SLC8A1: variants seen among roughly 807,000 people sequenced by gnomAD.
The protein encoded by SLC8A1 is sodium/calcium exchanger 1.
In SLC8A1, 18 loss-of-function variants were observed where a neutral mutation model predicts 68.3. The observed-to-expected ratio is 0.26, with a 90% CI of 0.18 to 0.39. SLC8A1 has a LOEUF of 0.39. Among genes scored for constraint, SLC8A1 ranks in the 10% least tolerant of loss-of-function variants. The pLI is 1.00. For missense variants in SLC8A1, 985 were observed against 1,156.7 expected (o/e 0.85, Z 2.15); for synonymous variants, 475 against 415.5 (o/e 1.14, Z -1.74).
At chr2:40,212,146 A>G (rs958499091) in intron 2 of SLC8A1, among the ~76,000 whole-genome samples, 3 of 152,188 alleles carry the variant, frequency 2.0e-5, no homozygotes, top group Non-Finnish European at 2.9e-5. Context: ...AAGGATTTCA[A>G]TATGGCCCAG....
chr2:40,097,639 A>G (rs567585249), exon 8 of SLC8A1: 2 of 152,116 alleles, frequency 1.3e-5, no homozygotes, highest in African/African-American at 4.8e-5. Context: ...TGGTAGTTAG[A>G]TCAAGAATAT....
chr2:40,146,528 A>G (rs1167061406), intron 6 of SLC8A1, among the ~76,000 whole-genome samples: 1 of 152,010 alleles, frequency 6.6e-6, no homozygotes, highest in Non-Finnish European at 1.5e-5. Flanking sequence ...CATTACATGT[A>G]TTTTGCACTT....
rs545174102 is a variant in SLC8A1 at position 40,448,940 on chromosome 2, A to G, written c.-25+2964T>C. Among the ~76,000 whole-genome samples, 26 of 152,300 alleles carry G rather than the reference A, an allele frequency of 1.7e-4. No homozygotes were observed. The South Asian group carries it at 2.5e-3, about 15-fold the overall frequency. ...AATTTAATGTTTACTTGAAAGCAAC[A>G]TACTACGAAAATATAAAACATGCAA... On this transcript the variant is annotated intron_variant, in intron 1 of 7. Coordinates refer to ENST00000406785, the Ensembl canonical transcript of SLC8A1.
At chr2:40,269,810 T>G (rs1341745618) in intron 2 of SLC8A1, among the ~76,000 whole-genome samples, 1 of 152,092 alleles carries the variant, frequency 6.6e-6, no homozygotes, top group Non-Finnish European at 1.5e-5. Flanking sequence ...TTTATTATTA[T>G]TATACTTTAA....
At chr2:40,134,232 CA>C (rs1435891546) in intron 7 of SLC8A1, among the ~76,000 whole-genome samples, 1 of 151,990 alleles carries the variant, frequency 6.6e-6, no homozygotes, top group Admixed American at 6.6e-5. Flanking sequence ...GCTGGGATTA[CA>C]GGTGCCCACC....
At chr2:40,151,903 A>G (rs1023609524) in intron 6 of SLC8A1, among the ~76,000 whole-genome samples, 6 of 152,230 alleles carry the variant, frequency 3.9e-5, no homozygotes, top group African/African-American at 9.6e-5. Context: ...ATTACAGATA[A>G]GTTAAACTCC....
intron 2 of SLC8A1, among the ~76,000 whole-genome samples, chr2:40,288,692 C>T (rs1020922328): frequency 1.3e-5 from 2 of 151,990 alleles, no homozygotes; most frequent in Non-Finnish European, 2.9e-5. Flanking sequence ...TAGGCAAGTG[C>T]TACAAATCAG....
chr2:40,254,833 C>CATTT (rs2063621595), intron 2 of SLC8A1: 1 of 152,216 alleles, frequency 6.6e-6, no homozygotes, highest in Non-Finnish European at 1.5e-5. Context: ...TGAGCACTCA[C>CATTT]ACTGTGCAAT....
At chr2:40,457,250 T>C (rs553496454) in intron 1 of SLC8A1, among the ~76,000 whole-genome samples, 7 of 152,330 alleles carry the variant, frequency 4.6e-5, no homozygotes, top group African/African-American at 1.2e-4. Flanking sequence ...CTTCATCAAA[T>C]AGGGGCTCAA....
At chr2:40,267,331 T>C (rs543383719) in intron 2 of SLC8A1, among the ~76,000 whole-genome samples, 2 of 152,284 alleles carry the variant, frequency 1.3e-5, no homozygotes, top group East Asian at 3.9e-4. Context: ...ACCAATATCC[T>C]AGAAAGTTAG....
At chr2:40,414,136 A>C (rs1038502021) in intron 2 of SLC8A1, among the ~76,000 whole-genome samples, 1 of 152,218 alleles carries the variant, frequency 6.6e-6, no homozygotes, top group African/African-American at 2.4e-5. Flanking sequence ...GCATTTTATG[A>C]AATGAAACAT....
At chr2:40,263,030 G>A (rs1318694365) in intron 2 of SLC8A1, among the ~76,000 whole-genome samples, 1 of 152,234 alleles carries the variant, frequency 6.6e-6, no homozygotes, top group Non-Finnish European at 1.5e-5. Flanking sequence ...ACATGGCTAT[G>A]CCAACTCTAA....
intron 4 of SLC8A1, among the ~76,000 whole-genome samples, chr2:40,170,024 C>T (rs1290309993): frequency 6.6e-6 from 1 of 152,140 alleles, no homozygotes; most frequent in Non-Finnish European, 1.5e-5. Flanking sequence ...ATCTGGAATA[C>T]ATTAAAACTC....
At chr2:40,294,659 T>G (rs1285464746) in intron 2 of SLC8A1, among the ~76,000 whole-genome samples, 3 of 152,162 alleles carry the variant, frequency 2.0e-5, no homozygotes, top group Admixed American at 1.3e-4. Flanking sequence ...TGAAGAGAAC[T>G]TTCCCCTTTT....
chr2:40,469,724 CTA>C (rs1370764854), intron 1 of SLC8A1, among the ~76,000 whole-genome samples: 2 of 151,868 alleles, frequency 1.3e-5, no homozygotes, highest in Non-Finnish European at 2.9e-5. Context: ...CCTGTCTTTC[CTA>C]TATATGTTTA....
At chr2:40,200,219 T>TATAAATATATATATA in intron 2 of SLC8A1, among the ~76,000 whole-genome samples, 1 of 2,928 alleles carries the variant, frequency 3.4e-4, no homozygotes, top group African/African-American at 8.3e-4. Flanking sequence ...TATATATATA[T>TATAAATATATATATA]TTTTTTATAT....
chr2:40,146,639 G>GCCCCCCCC (rs199542049), intron 6 of SLC8A1, among the ~76,000 whole-genome samples: 21 of 151,538 alleles, frequency 1.4e-4, no homozygotes, highest in African/African-American at 4.1e-4. Context: ...GGGATGGGAG[G>GCCCCCCCC]CAGTGAAAGA....
chr2:40,491,919 C>CA (rs1705341757), intron 1 of SLC8A1, among the ~76,000 whole-genome samples: 1 of 152,234 alleles, frequency 6.6e-6, no homozygotes, highest in African/African-American at 2.4e-5. Context: ...GCCATACTGC[C>CA]AAGGTAATTT....
At chr2:40,210,005 G>A (rs1395108769) in intron 2 of SLC8A1, 1 of 152,236 alleles carries the variant, frequency 6.6e-6, no homozygotes, top group East Asian at 1.9e-4. Context: ...ATTGATCTGA[G>A]TTGGCAGATG....
Sources: gnomAD v4.1 joint callset for allele counts (sites outside exome capture counted in the v4.1 genomes callset) on GRCh38, gnomAD v4.1.1 for gene constraint, MANE v1.5 for transcripts, NCBI Gene and HGNC (gene_info 2026-07-23, HGNC 2026-07-21) for gene names.